GBF1: variants seen among roughly 807,000 people sequenced by gnomAD.
GBF1 encodes the protein golgi brefeldin A resistant guanine nucleotide exchange factor 1.
Under a neutral mutation model 210.5 loss-of-function variants are expected in GBF1, and 114 were observed. The observed-to-expected ratio is 0.54, with a 90% CI of 0.47 to 0.63. The LOEUF (loss-of-function observed/expected upper bound fraction) is 0.63, where lower values mean the gene tolerates loss of function less well. Among genes scored for constraint, GBF1 ranks in the 30% least tolerant of loss-of-function variants. GBF1 has a pLI of 0.00. For missense variants in GBF1, 1,851 were observed against 2,357.7 expected, an observed-to-expected ratio of 0.79 and a Z score of 4.45; for synonymous variants, 850 against 889.2, an observed-to-expected ratio of 0.96 and a Z score of 0.78.
At chr10:102,271,920 T>G (rs2074469861) in intron 3 of GBF1, among the ~76,000 whole-genome samples, 2 of 151,582 alleles carry the variant, frequency 1.3e-5, no homozygotes, top group South Asian at 4.2e-4. Flanking sequence ...CCCAGCCAAT[T>G]TTTTGTATTC....
chr10:102,319,982 T>C (rs1744219403), intron 3 of GBF1, among the ~76,000 whole-genome samples: 1 of 152,040 alleles, frequency 6.6e-6, no homozygotes, highest in Non-Finnish European at 1.5e-5. Flanking sequence ...GCCTCTGCCT[T>C]CCAAAGTGCT....
At chr10:102,339,414 G>A (rs2058016486) in intron 3 of GBF1, among the ~76,000 whole-genome samples, 1 of 150,588 alleles carries the variant, frequency 6.6e-6, no homozygotes, top group Middle Eastern at 3.3e-3. Context: ...TGCCTGTAAT[G>A]CCAGCACTTT....
rs2060698812 is a variant in GBF1 at position 102,379,267 on chromosome 10, C to G, written c.4495-17C>G. On this transcript the variant is annotated splice_polypyrimidine_tract_variant and intron_variant, in intron 33 of 39. Transcript: ENST00000369983. ...GACCTAACCCCACTCACATCCTGCC[C>G]CCTCCTGTGATCCTAGTTGCTAGAC... The G allele has an allele frequency of 6.2e-7, 1 of 1,609,730 alleles. No homozygotes were observed. The highest frequency in any genetic ancestry group is 8.5e-7 in the Non-Finnish European group (1 of 1,177,910).
At chr10:102,256,750 A>T (rs1486203830) in intron 1 of GBF1, among the ~76,000 whole-genome samples, 1 of 152,084 alleles carries the variant, frequency 6.6e-6, no homozygotes, top group Non-Finnish European at 1.5e-5. Context: ...AGCTCAGGTT[A>T]TCTACCTGCC....
At chr10:102,281,201 C>T (rs2075443178) in intron 3 of GBF1, among the ~76,000 whole-genome samples, 1 of 152,066 alleles carries the variant, frequency 6.6e-6, no homozygotes, top group East Asian at 1.9e-4. Context: ...AGTTACTGTT[C>T]TTTTAGTGAA....
intron 8 of GBF1, 104 bp from the exon 9 acceptor site, chr10:102,357,935 G>A: frequency 5.1e-6 from 4 of 783,654 alleles, no homozygotes. Context: ...AAAGATATGG[G>A]GTATAGCTTG....
At chr10:102,272,341 G>A (rs2074523790) in intron 3 of GBF1, among the ~76,000 whole-genome samples, 1 of 152,100 alleles carries the variant, frequency 6.6e-6, no homozygotes, top group African/African-American at 2.4e-5. Flanking sequence ...CTGACCTCAG[G>A]TGATCTGCCC....
chr10:102,311,464 T>C (rs1439764621), intron 3 of GBF1, among the ~76,000 whole-genome samples: 1 of 152,192 alleles, frequency 6.6e-6, no homozygotes, highest in Non-Finnish European at 1.5e-5. Context: ...TTTGCAAGTA[T>C]CAAGAAAAGT....
chr10:102,241,367 G>A (rs547622737), upstream of GBF1: 4 of 152,852 alleles, frequency 2.6e-5, no homozygotes, highest in South Asian at 2.1e-4. This position sits in a 1 kb window ranked among gnomAD's most constrained non-coding sequence, Gnocchi z 6.7. Flanking sequence ...CCCAGTAGCG[G>A]CGGCTGCGGC....
chr10:102,370,112 T>G lies in GBF1; in HGVS notation c.3340-62T>G, dbSNP rs541983158. On this transcript the variant is annotated intron_variant, in intron 26 of 39. Transcript: ENST00000369983. Reference sequence around the variant, plus strand: ...GACTCTGCCCTCTCCCCCTGGCTCTTGGGGACATTCTGTTCTCTTCAGCCT... The same window carrying G: ...GACTCTGCCCTCTCCCCCTGGCTCTGGGGGACATTCTGTTCTCTTCAGCCT... 1.0e-5 allele frequency: 15 copies of G among 1,505,510 alleles called. No homozygotes were observed. In the South Asian group the frequency reaches 1.6e-4, roughly 16 times the overall value. The allele number at this position is 1,505,510 out of a possible 1,614,324, so 93.3% of individuals were successfully genotyped here.
intron 3 of GBF1, among the ~76,000 whole-genome samples, chr10:102,283,297 C>T (rs1169607755): frequency 6.6e-6 from 1 of 152,188 alleles, no homozygotes; most frequent in Non-Finnish European, 1.5e-5. Flanking sequence ...TGTTTGGACC[C>T]TCTGGTGACT....
Position 102,379,504 on chromosome 10 carries a change from C to T in GBF1, c.4646-17C>T, listed in dbSNP as rs1191325920. 6.2e-7 allele frequency: 1 copy of T among 1,614,048 alleles called. No homozygotes were observed. The highest frequency in any genetic ancestry group is 1.3e-5 in the African/African-American group (1 of 75,006). Reference sequence around the variant, plus strand: ...ATCAAGATGCCTGAAGGATCCTGACCCTGCTCTTGCTCTCAGGTATTGCCT... The same window carrying T: ...ATCAAGATGCCTGAAGGATCCTGACTCTGCTCTTGCTCTCAGGTATTGCCT... On this transcript the variant is annotated splice_polypyrimidine_tract_variant and intron_variant, in intron 34 of 39. Transcript: ENST00000369983.
intron 21 of GBF1, 88 bp from the exon 22 acceptor site, chr10:102,368,130 A>T: frequency 1.2e-6 from 1 of 810,518 alleles, no homozygotes; most frequent in South Asian, 1.5e-5. Flanking sequence ...ATCAGTGGAG[A>T]GTGCTAGTAT....
intron 3 of GBF1, among the ~76,000 whole-genome samples, chr10:102,278,581 T>C (rs1589460080): frequency 6.6e-6 from 1 of 152,264 alleles, no homozygotes; most frequent in Admixed American, 6.5e-5. Flanking sequence ...GTAATGATTG[T>C]ATTTAGGATA....
chr10:102,368,428 C>T lies in GBF1; in HGVS notation c.2853C>T (p.Ile951=), dbSNP rs1440489061. 3.7e-6 allele frequency: 6 copies of T among 1,611,624 alleles called. No homozygotes were observed. The highest frequency in any genetic ancestry group is 5.1e-6 in the Non-Finnish European group (6 of 1,177,870). ...TTGACAAAAGCCTTGAGGAGACAAT[C>T]ATCCAGAAAGCCATCTCAGGCTTCA... ...YVFDKSLEET[I]IQKAISGFRK... is the part of the protein sequence containing the mutation. Residue 951 remains isoleucine, a synonymous_variant, in exon 22 of 40, where the codon ATC becomes ATT. Transcript: ENST00000369983.
At chr10:102,370,678 A>C in intron 28 of GBF1, 29 bp from the exon 29 acceptor site, 1 of 1,610,626 alleles carries the variant, frequency 6.2e-7, no homozygotes, top group Non-Finnish European at 8.5e-7. Context: ...TCTGGCTGAG[A>C]CTATCTTCAT....
intron 3 of GBF1, among the ~76,000 whole-genome samples, chr10:102,301,591 G>A (rs1447600756): frequency 2.0e-5 from 3 of 152,012 alleles, no homozygotes; most frequent in African/African-American, 7.3e-5. Flanking sequence ...TCTCAGACGG[G>A]GCGGCCGGGC....
chr10:102,254,546 A>G (rs1362989985), intron 1 of GBF1, among the ~76,000 whole-genome samples: 3 of 152,280 alleles, frequency 2.0e-5, no homozygotes, highest in African/African-American at 4.8e-5. Context: ...CAAGTGATAC[A>G]GTGACTCCTC....
chr10:102,356,108 C>G (rs2059273500), intron 8 of GBF1, among the ~76,000 whole-genome samples: 1 of 152,110 alleles, frequency 6.6e-6, no homozygotes, highest in Non-Finnish European at 1.5e-5. Context: ...AGCTGTTCAG[C>G]CTCATCTTTA....
Sources: allele counts gnomAD v4.1 joint callset (sites outside exome capture counted in the v4.1 genomes callset), GRCh38; gene constraint gnomAD v4.1.1; non-coding constraint Gnocchi (gnomAD v3.1); transcripts MANE v1.5; gene names NCBI Gene and HGNC (gene_info 2026-07-23, HGNC 2026-07-21).